Variants in MRC2 observed in about 807,000 individuals in gnomAD.
MRC2 encodes C-type mannose receptor 2.
A neutral mutation model predicts 206.2 loss-of-function variants in MRC2; 84 were observed. The observed-to-expected ratio is 0.41, with a 90% CI of 0.34 to 0.49. The LOEUF (loss-of-function observed/expected upper bound fraction) is 0.49, where lower values mean the gene tolerates loss of function less well. Ranked by LOEUF, MRC2 falls within the 20% of genes least tolerant of loss-of-function variation. The pLI is 0.31. For synonymous variants in MRC2, 798 were observed against 800.0 expected (o/e 1.00, Z 0.04); for missense variants, 1,676 against 2,001.5 (o/e 0.84, Z 3.10).
intron 1 of MRC2, among the ~76,000 whole-genome samples, chr17:62,630,748 G>A (rs889196851): frequency 1.3e-5 from 2 of 152,278 alleles, no homozygotes; most frequent in Middle Eastern, 3.4e-3. Flanking sequence ...TCTTCCTGTG[G>A]GGAAGGTCGG....
rs142039416 is a variant in MRC2, at chr17:62,675,991, A to ATCATGCCC, written c.1685+87_1685+94dup. 2,444 of 1,145,618 alleles carry ATCATGCCC rather than the reference A, an allele frequency of 2.1e-3. 40 individuals carry two copies. The African/African-American group carries it at 0.033, about 16-fold the overall frequency. 71.0% of individuals were successfully genotyped at this position (1,145,618 alleles called of 1,614,324 possible). On this transcript the variant is annotated intron_variant, in intron 10 of 29. Coordinates refer to ENST00000303375, the MANE Select transcript of MRC2 (RefSeq NM_006039.5). The surrounding 1 kb of genome is among the most constrained non-coding windows in gnomAD (Gnocchi z 4.1). ...TTCAGCAAACAGGGTAGCATCTGCC[A>ATCATGCCC]TCATGCCCAGAGGGACCTGGAGTCC...
Position 62,674,110 on chromosome 17 carries a change from C to G in MRC2, c.1509C>G (p.Ile503Met), listed in dbSNP as rs2088860153. The G allele has an allele frequency of 1.3e-6, 2 of 1,556,198 alleles. No homozygotes were observed. ...DSPCNQSLPS[I>M]CKKAGQLSQG... ...CCTGTAACCAGTCCTTGCCATCCAT[C>G]TGCAAGAAGGCAGGCCAGCTGAGCC... The change falls in exon 9 of 30, where the codon ATC (isoleucine) becomes ATG (methionine). Residue 503 changes from isoleucine (I) to methionine (M), a missense_variant. By Grantham distance (10) the Ile-to-Met change is conservative (BLOSUM62 1). This residue lies in a region of MRC2 where 1,354 missense variants were observed against 1,636.6 expected (regional missense o/e 0.83). Coordinates refer to ENST00000303375, the MANE Select transcript of MRC2 (RefSeq NM_006039.5).
At chr17:62,660,253 T>C (rs974670968) in intron 1 of MRC2, among the ~76,000 whole-genome samples, 3 of 152,156 alleles carry the variant, frequency 2.0e-5, no homozygotes, top group African/African-American at 7.2e-5. Flanking sequence ...GAGGAGCTCA[T>C]ACAGAAAGTG....
In MRC2 at chr17:62,677,367, C is replaced by T. The variant is rs149468238; in HGVS notation, c.1933C>T (p.Arg645Trp). The T allele has an allele frequency of 1.4e-5, 22 of 1,610,038 alleles. No homozygotes were observed. In the African/African-American group the frequency reaches 2.0e-4, roughly 15 times the overall value. ...CTSFRARYIC[R>W]QSLGTPVTPE... Reference sequence around the variant, plus strand: ...CTCGTTCCGGGCCCGCTACATCTGCCGGCAGAGCCTGGGCACTCCAGTGAC... The same window carrying T: ...CTCGTTCCGGGCCCGCTACATCTGCTGGCAGAGCCTGGGCACTCCAGTGAC... The change falls in exon 12 of 30, where the codon CGG (arginine) becomes TGG (tryptophan). Residue 645 changes from arginine to tryptophan, a missense_variant. Arg to Trp is a moderately radical substitution (Grantham distance 101, BLOSUM62 -3). Transcript: ENST00000303375.
rs753921479 is a variant in MRC2, at chr17:62,690,775, G to T, written c.4012+14G>T. The T allele has an allele frequency of 1.3e-6, 2 of 1,592,044 alleles. No individual in the cohort carries two copies. Among genetic ancestry groups the T allele is most frequent in the African/African-American group, 2.7e-5 (2 of 74,518 alleles). ...TCAACCCCAAAGGTGGGTGCCCTGT[G>T]TGTGGGGTGGAGAGGTCAAGCCTCA... On this transcript the variant is annotated intron_variant, in intron 27 of 29. Coordinates refer to ENST00000303375, the MANE Select transcript of MRC2 (RefSeq NM_006039.5).
At chr17:62,651,094 T>G (rs946973603) in intron 1 of MRC2, among the ~76,000 whole-genome samples, 2 of 152,122 alleles carry the variant, frequency 1.3e-5, no homozygotes, top group East Asian at 3.8e-4. Context: ...ATCTTTTTTT[T>G]TTTTTTTTTA....
chr17:62,647,003 C>T (rs2088495263), intron 1 of MRC2, among the ~76,000 whole-genome samples: 1 of 152,116 alleles, frequency 6.6e-6, no homozygotes, highest in Admixed American at 6.6e-5. Context: ...GATATTCCAT[C>T]ACTCCGAGAT....
At chr17:62,630,046 CTT>C (rs2084204257) in intron 1 of MRC2, among the ~76,000 whole-genome samples, 1 of 152,294 alleles carries the variant, frequency 6.6e-6, no homozygotes, top group African/African-American at 2.4e-5. Context: ...AAGGAGTCCT[CTT>C]TGTTAGTTGC....
At chr17:62,627,989 C>T (rs2084182641) in intron 1 of MRC2, 69 bp downstream of exon 1, 1 of 1,056,138 alleles carries the variant, frequency 9.5e-7, no homozygotes. Flanking sequence ...GGGCCGCTCT[C>T]GACTTTTCCC....
Position 62,666,098 on chromosome 17 carries a change from C to A in MRC2, c.525C>A (p.Val175=). 1 of 1,588,016 alleles carries A rather than the reference C, an allele frequency of 6.3e-7. No homozygotes were observed. The highest frequency in any genetic ancestry group is 8.6e-7 in the Non-Finnish European group (1 of 1,166,538). ...EDLCALPYHE[V]YTIQGNSHGK... Reference sequence around the variant, plus strand: ...GCCCCTGTCCACCCCCTGCAGAGGTCTACACCATCCAGGGAAACTCCCACG... The same window carrying A: ...GCCCCTGTCCACCCCCTGCAGAGGTATACACCATCCAGGGAAACTCCCACG... Residue 175 remains valine, a synonymous_variant, in exon 3 of 30, where the codon GTC becomes GTA. Transcript: ENST00000303375. The surrounding 1 kb of genome is among the most constrained non-coding windows in gnomAD (Gnocchi z 5.0).
chr17:62,627,981 G>A (rs1011356030), intron 1 of MRC2, 61 bp downstream of exon 1: 6 of 1,174,778 alleles, frequency 5.1e-6, no homozygotes, highest in African/African-American at 4.9e-5. Context: ...CGAGGCGCGG[G>A]CCGCTCTCGA....
chr17:62,680,486 C>T lies in MRC2; in HGVS notation c.2473+33C>T, dbSNP rs1209520932. On this transcript the variant is annotated intron_variant, in intron 16 of 29. Transcript: ENST00000303375. The surrounding 1 kb of genome is among the most constrained non-coding windows in gnomAD (Gnocchi z 4.8). ...CCCCCCAGCCCATCCCGCTACCCAT[C>T]GCGTGGGAGAGGGCGTCAACTCTGG... is the stretch of plus-strand genomic sequence containing the variant. The T allele has an allele frequency of 3.7e-6, 6 of 1,613,362 alleles. No individual in the cohort carries two copies. Among genetic ancestry groups the T allele is most frequent in the Non-Finnish European group, 8.5e-7 (1 of 1,179,710 alleles).
At chr17:62,644,290 G>T (rs889457870) in intron 1 of MRC2, among the ~76,000 whole-genome samples, 2 of 152,044 alleles carry the variant, frequency 1.3e-5, no homozygotes, top group African/African-American at 4.8e-5. Context: ...GTGGTGATGG[G>T]CACCTGTAAT....
At chr17:62,647,186 CTTTTTT>C (rs34733419) in intron 1 of MRC2, among the ~76,000 whole-genome samples, 4 of 136,368 alleles carry the variant, frequency 2.9e-5, no homozygotes, top group East Asian at 2.1e-4. Flanking sequence ...TTTTCTTTTT[CTTTTTT>C]TTTTTTTTTG....
chr17:62,691,155 GC>G (rs2089107278), intron 28 of MRC2, 27 bp downstream of exon 28: 2 of 1,576,236 alleles, frequency 1.3e-6, no homozygotes, highest in African/African-American at 2.7e-5. Context: ...CCCACGCTCA[GC>G]CTCCTTCCAC....
chr17:62,641,763 G>A (rs2088407069), intron 1 of MRC2, among the ~76,000 whole-genome samples: 1 of 152,114 alleles, frequency 6.6e-6, no homozygotes, highest in Non-Finnish European at 1.5e-5. Context: ...AGATCCCAGA[G>A]GACTGCATAT....
rs180685215 is a variant in MRC2, at chr17:62,637,713, A to T, written c.118+9793A>T. 4.6e-5 allele frequency among the ~76,000 whole-genome samples: 7 copies of T among 152,028 alleles called. No homozygotes were observed. The East Asian group carries it at 1.4e-3, about 29-fold the overall frequency. ...TCCCAGGGGGCTGTTTCTGAGTCCC[A>T]ACTCACACCTGTGACCTTCTGATTA... On this transcript the variant is annotated intron_variant, in intron 1 of 29. Coordinates refer to ENST00000303375, the MANE Select transcript of MRC2 (RefSeq NM_006039.5).
At chr17:62,639,711 A>G (rs535787439) in intron 1 of MRC2, among the ~76,000 whole-genome samples, 1 of 151,858 alleles carries the variant, frequency 6.6e-6, no homozygotes, top group Admixed American at 6.6e-5. Flanking sequence ...TACAGCCTCA[A>G]ACTCCTGGGC....
intron 19 of MRC2, 40 bp from the exon 20 acceptor site, chr17:62,682,195 C>A: frequency 6.6e-7 from 1 of 1,517,998 alleles, no homozygotes; most frequent in Non-Finnish European, 8.9e-7. Context: ...CTGCCCTGCT[C>A]TGCCCTGGGG....
Sources: gnomAD v4.1 joint callset for allele counts (sites outside exome capture counted in the v4.1 genomes callset) on GRCh38, gnomAD v4.1.1 for gene constraint, gnomAD v4.1.1 regional missense constraint, Gnocchi (gnomAD v3.1) non-coding constraint, MANE v1.5 for transcripts, NCBI Gene and HGNC (gene_info 2026-07-23, HGNC 2026-07-21) for gene names.